Variants in GEM observed in about 807,000 individuals in gnomAD.
GEM encodes GTP-binding protein GEM.
A neutral mutation model predicts 33.0 loss-of-function variants in GEM; 31 were observed. The observed-to-expected ratio is 0.94, with a 90% CI of 0.71 to 1.27. The LOEUF is 1.27. Ranked by LOEUF, GEM falls within the 50% of genes most tolerant of loss-of-function variation. The pLI, the probability that GEM is intolerant of heterozygous loss-of-function variation, is 0.00. For missense variants in GEM, 354 were observed against 390.5 expected, an observed-to-expected ratio of 0.91 and a Z score of 0.79; for synonymous variants, 141 against 143.7, an observed-to-expected ratio of 0.98 and a Z score of 0.13.
chr8:94,256,858 A>G (rs1808901451), intron 2 of GEM, among the ~76,000 whole-genome samples: 1 of 152,248 alleles, frequency 6.6e-6, no homozygotes, highest in African/African-American at 2.4e-5. Context: ...ACCATGCTCC[A>G]TGCTCAACAT....
rs1586058018 is a variant in GEM at position 94,250,065 on chromosome 8, C to A, written c.*245G>T. 2.0e-6 allele frequency: 1 copy of A among 494,502 alleles called. No individual in the cohort carries two copies. The highest frequency in any genetic ancestry group is 3.3e-5 in the East Asian group (1 of 30,374). 30.6% of individuals were successfully genotyped at this position (494,502 alleles called of 1,614,324 possible). A position where few individuals can be genotyped will look rare whatever the true frequency, so the allele number is the denominator to read the frequency against. On this transcript the variant is annotated 3_prime_UTR_variant, in exon 5 of 5. Coordinates refer to ENST00000297596, the MANE Select transcript of GEM (RefSeq NM_005261.4). Reference sequence around the variant, plus strand: ...AGAAGAAACACATGTGAACACCAAACACATCCTCTAAAGAGTCTTGGGTGT... The same window carrying A: ...AGAAGAAACACATGTGAACACCAAAAACATCCTCTAAAGAGTCTTGGGTGT...
chr8:94,260,048 C>T, intron 2 of GEM, 125 bp downstream of exon 2: 1 of 633,790 alleles, frequency 1.6e-6, no homozygotes, highest in Admixed American at 2.6e-5. Flanking sequence ...CTCAGCTCCC[C>T]CATCAATTGT....
At chr8:94,253,688 AGT>A (rs1265827698) in intron 2 of GEM, among the ~76,000 whole-genome samples, 1 of 152,182 alleles carries the variant, frequency 6.6e-6, no homozygotes, top group Admixed American at 6.5e-5. Context: ...CCTAGGAATA[AGT>A]GGGCTTGTTT....
chr8:94,259,675 A>C (rs1808973643), intron 2 of GEM: 1 of 152,566 alleles, frequency 6.6e-6, no homozygotes, highest in Admixed American at 6.5e-5. Flanking sequence ...ATTTTAAAAA[A>C]TTATTATGCT....
rs1261805228 is a variant in GEM at position 94,250,449 on chromosome 8, C to T, written c.752G>A (p.Arg251Gln). The stretch of plus-strand genomic sequence containing the variant: ...CTTCCTTTTCTGGTAGGCCAGCCGC[C>T]GTTCATTCTTCTCCTTGCTGTCCCG... ...LRRDSKEKNERRLAYQKRKES... is the reference protein window; with the variant it reads ...LRRDSKEKNEQRLAYQKRKES... Residue 251 changes from arginine to glutamine, a missense_variant, in exon 5 of 5, where the codon CGG (arginine) becomes CAG (glutamine). Physicochemically the swap from Arg to Gln is conservative, Grantham distance 43. Coordinates refer to ENST00000297596, the MANE Select transcript of GEM (RefSeq NM_005261.4). 1.1e-5 allele frequency: 18 copies of T among 1,614,126 alleles called. No homozygotes were observed. The highest frequency in any genetic ancestry group is 1.7e-5 in the Admixed American group (1 of 60,006).
Position 94,253,028 on chromosome 8 carries a change from C to G in GEM, c.408+8G>C. Reference sequence around the variant, plus strand: ...AAAGGAATTTAGAGAGCTACAGGCTCTGCATACCTTATTTTCCCACATATC... The same window carrying G: ...AAAGGAATTTAGAGAGCTACAGGCTGTGCATACCTTATTTTCCCACATATC... On this transcript the variant is annotated splice_region_variant and intron_variant, in intron 3 of 4. Coordinates refer to ENST00000297596, the MANE Select transcript of GEM (RefSeq NM_005261.4). 6.6e-7 allele frequency: 1 copy of G among 1,513,898 alleles called. No homozygotes were observed. Among genetic ancestry groups the G allele is most frequent in the South Asian group, 1.1e-5 (1 of 88,908 alleles). The allele number at this position is 1,513,898 out of a possible 1,614,324, so 93.8% of individuals were successfully genotyped here. A position where few individuals can be genotyped will look rare whatever the true frequency, so the allele number is the denominator to read the frequency against.
intron 2 of GEM, among the ~76,000 whole-genome samples, chr8:94,255,989 T>C (rs1808885876): frequency 6.6e-6 from 1 of 152,104 alleles, no homozygotes; most frequent in Admixed American, 6.5e-5. Context: ...TGAATCCTCT[T>C]CTCTACCCGG....
intron 2 of GEM, 62 bp downstream of exon 2, chr8:94,260,111 C>G (rs1189780190): frequency 9.2e-7 from 1 of 1,091,306 alleles, no homozygotes; most frequent in East Asian, 2.4e-5. Flanking sequence ...GTCACCCACC[C>G]TCACTCTTTC....
intron 2 of GEM, chr8:94,259,959 A>T: frequency 2.0e-6 from 1 of 489,896 alleles, no homozygotes; most frequent in Non-Finnish European, 3.6e-6. Context: ...TTTCTGGCCC[A>T]GGATCAACAG....
intron 3 of GEM, 77 bp from the exon 4 acceptor site, chr8:94,252,300 G>T: frequency 3.0e-6 from 3 of 989,602 alleles, no homozygotes; most frequent in Non-Finnish European, 3.2e-6. Context: ...GAAACAATAT[G>T]TGTATCCTAA....
At chr8:94,256,762 T>C (rs936080635) in intron 2 of GEM, among the ~76,000 whole-genome samples, 3 of 152,312 alleles carry the variant, frequency 2.0e-5, no homozygotes, top group East Asian at 1.9e-4. Context: ...AACCACCACT[T>C]TTGAAAGATA....
chr8:94,259,010 C>T (rs911605639), intron 2 of GEM, among the ~76,000 whole-genome samples: 6 of 152,174 alleles, frequency 3.9e-5, no homozygotes, highest in African/African-American at 1.4e-4. Context: ...AGTCACCTGG[C>T]AGCCTTTACA....
rs545455303 is a variant in GEM, at chr8:94,260,706, C to G, written c.-9-194G>C. On this transcript the variant is annotated intron_variant, in intron 1 of 4. Coordinates refer to ENST00000297596, the MANE Select transcript of GEM (RefSeq NM_005261.4). The stretch of plus-strand genomic sequence containing the variant: ...TTCAACTGGACACACACATGCTGCC[C>G]ACACTGTCAGTAACCAGCTCCTCAG... 4 of 546,138 alleles carry G rather than the reference C, an allele frequency of 7.3e-6. No individual in the cohort carries two copies. In the South Asian group the frequency reaches 1.1e-4, roughly 15 times the overall value. 33.8% of individuals were successfully genotyped at this position (546,138 alleles called of 1,614,324 possible).
At chr8:94,251,074 G>A (rs192558019) in intron 4 of GEM, among the ~76,000 whole-genome samples, 8 of 152,244 alleles carry the variant, frequency 5.3e-5, no homozygotes, top group Middle Eastern at 3.4e-3. Flanking sequence ...CAGTTCTCAA[G>A]CCCATACTCA....
chr8:94,255,857 C>T (rs915625525), intron 2 of GEM, among the ~76,000 whole-genome samples: 9 of 152,244 alleles, frequency 5.9e-5, no homozygotes, highest in African/African-American at 2.2e-4. Context: ...CTGATGGGGA[C>T]AGACAGACGT....
Position 94,250,264 on chromosome 8 carries a change from C to T in GEM, c.*46G>A, listed in dbSNP as rs766088248. ...TAATATAGATTATTGGTCCCAATGG[C>T]CTTCAACAACGGCCATCAAAGGGAC... On this transcript the variant is annotated 3_prime_UTR_variant, in exon 5 of 5. Transcript: ENST00000297596. 2.0e-6 allele frequency: 3 copies of T among 1,481,554 alleles called. No homozygotes were observed. The highest frequency in any genetic ancestry group is 2.8e-6 in the Non-Finnish European group (3 of 1,076,494). The allele number at this position is 1,481,554 out of a possible 1,614,324, so 91.8% of individuals were successfully genotyped here. A position where few individuals can be genotyped will look rare whatever the true frequency, so the allele number is the denominator to read the frequency against.
At chr8:94,252,980 C>A in intron 3 of GEM, 56 bp downstream of exon 3, 1 of 1,000,874 alleles carries the variant, frequency 1.0e-6, no homozygotes, top group Non-Finnish European at 1.6e-6. Context: ...TTGCACCAAA[C>A]AACTTGTTGA....
chr8:94,261,900 G>GT (rs1809031680), intron 1 of GEM, among the ~76,000 whole-genome samples, 190 bp downstream of exon 1: 1 of 152,120 alleles, frequency 6.6e-6, no homozygotes, highest in South Asian at 2.1e-4. Context: ...CGACCAGCCG[G>GT]TTTTTTAGTC....
chr8:94,253,600 A>T (rs74875821), intron 2 of GEM, among the ~76,000 whole-genome samples: 3,479 of 152,280 alleles, frequency 0.023, 131 homozygotes, highest in African/African-American at 0.077. Context: ...TCCTCTTCGG[A>T]CAAGTGCAAG....
Sources: gnomAD v4.1 joint callset for allele counts (sites outside exome capture counted in the v4.1 genomes callset) on GRCh38, gnomAD v4.1.1 for gene constraint, MANE v1.5 for transcripts, NCBI Gene and HGNC (gene_info 2026-07-23, HGNC 2026-07-21) for gene names.